Variants in SLC25A46 observed in about 807,000 individuals in gnomAD.
SLC25A46 encodes the protein mitochondrial outer membrane protein SLC25A46.
A neutral mutation model predicts 44.6 loss-of-function variants in SLC25A46; 39 were observed. The ratio of observed to expected loss-of-function variants is 0.87; its 90% CI spans 0.68 to 1.14. The LOEUF (loss-of-function observed/expected upper bound fraction) is 1.14. Among genes scored for constraint, SLC25A46 ranks in the 50% most tolerant of loss-of-function variants. The probability of loss-of-function intolerance (pLI) is 0.00; values close to 1 mark genes in which losing one functional copy is unlikely to be tolerated. For synonymous variants in SLC25A46, 202 were observed against 185.8 expected (o/e 1.09, Z -0.71); for missense variants, 547 against 522.7 (o/e 1.05, Z -0.45).
Position 110,759,729 on chromosome 5 carries a change from C to T in SLC25A46, c.679-1475C>T, listed in dbSNP as rs182377991. Among the ~76,000 whole-genome samples the T allele has an allele frequency of 5.0e-4, 76 of 152,214 alleles. No individual in the cohort carries two copies. The East Asian group carries it at 0.014, about 29-fold the overall frequency. ...ATGGAAAGTCTTTGATAGGTTTGAG[C>T]AGAGCGGTGGTGTGATCTGACTTAC... is the stretch of plus-strand genomic sequence containing the variant. On this transcript the variant is annotated intron_variant, in intron 7 of 7. Coordinates refer to ENST00000355943, the MANE Select transcript of SLC25A46 (RefSeq NM_138773.4).
At chr5:110,747,780 G>C (rs1799856226) in intron 4 of SLC25A46, among the ~76,000 whole-genome samples, 1 of 152,110 alleles carries the variant, frequency 6.6e-6, no homozygotes, top group South Asian at 2.1e-4. Flanking sequence ...TGATGAAGCT[G>C]CTATCTAGGG....
At chr5:110,750,636 T>C (rs1424216916) in intron 5 of SLC25A46, among the ~76,000 whole-genome samples, 3 of 152,220 alleles carry the variant, frequency 2.0e-5, no homozygotes, top group African/African-American at 7.2e-5. Flanking sequence ...ATAGTTGTTA[T>C]TCTATATTGT....
At position 110,756,902 on chromosome 5, in the gene SLC25A46, C is replaced by T. The variant is rs566714500; in HGVS notation, c.678+143C>T. On this transcript the variant is annotated intron_variant, in intron 7 of 7. Transcript: ENST00000355943. ...TATTTTATAAATATCACAGTTATATCGCACGTTGCTTGTCTGTATATTTCC... is the reference window on the plus strand; with the variant it reads ...TATTTTATAAATATCACAGTTATATTGCACGTTGCTTGTCTGTATATTTCC... 10 of 462,606 alleles carry T rather than the reference C, an allele frequency of 2.2e-5. No homozygotes were observed. In the Admixed American group the frequency reaches 2.6e-4, roughly 12 times the overall value. The allele number at this position is 462,606 out of a possible 1,614,324, so 28.7% of individuals were successfully genotyped here.
chr5:110,744,657 A>C (rs915448331), intron 3 of SLC25A46, among the ~76,000 whole-genome samples: 1 of 152,218 alleles, frequency 6.6e-6, no homozygotes, highest in African/African-American at 2.4e-5. Context: ...GAAAATTCAA[A>C]CTTATCATTG....
At chr5:110,749,065 A>G (rs140680408) in intron 5 of SLC25A46, among the ~76,000 whole-genome samples, 194 of 152,250 alleles carry the variant, frequency 1.3e-3, no homozygotes, top group African/African-American at 4.6e-3. Context: ...ACAGAAAGGG[A>G]TGAGCTGGCT....
chr5:110,738,860 C>G (rs1580848605), upstream of SLC25A46: 6 of 751,700 alleles, frequency 8.0e-6, no homozygotes, highest in East Asian at 1.7e-4. Context: ...CAACCATATT[C>G]CCACCTATTC....
intron 7 of SLC25A46, among the ~76,000 whole-genome samples, chr5:110,759,501 G>A (rs1800194974): frequency 6.6e-6 from 1 of 152,092 alleles, no homozygotes. Flanking sequence ...TATTTAGAGG[G>A]AAAGCAGGTG....
chr5:110,744,514 G>A (rs140714523), intron 3 of SLC25A46, among the ~76,000 whole-genome samples: 263 of 152,190 alleles, frequency 1.7e-3, no homozygotes, highest in Non-Finnish European at 3.3e-3. Flanking sequence ...TCTTCCTGTT[G>A]TTAAAACATT....
At position 110,759,458 on chromosome 5, in the gene SLC25A46, T is replaced by A. The variant is rs367839446; in HGVS notation, c.679-1746T>A. On this transcript the variant is annotated intron_variant, in intron 7 of 7. Coordinates refer to ENST00000355943, the MANE Select transcript of SLC25A46 (RefSeq NM_138773.4). ...GGAAGGATGCCGATGTGGCTGGTGC[T>A]AACTAAGCACAAAATAAGCAAATGT... is the stretch of plus-strand genomic sequence containing the variant. Among the ~76,000 whole-genome samples the A allele has an allele frequency of 4.1e-4, 62 of 152,264 alleles. 1 individual carries two copies. The East Asian group carries it at 9.1e-3, about 22-fold the overall frequency.
intron 1 of SLC25A46, among the ~76,000 whole-genome samples, chr5:110,740,044 T>C (rs1799607441): frequency 6.6e-6 from 1 of 152,214 alleles, no homozygotes; most frequent in Admixed American, 6.5e-5. Context: ...GCTTTCCTTC[T>C]GCTGACCTAA....
In SLC25A46 at chr5:110,757,083, G is replaced by T. The variant is rs545732962; in HGVS notation, c.678+324G>T. On this transcript the variant is annotated intron_variant, in intron 7 of 7. Transcript: ENST00000355943. ...TAAGGCCCTTACATACAACTCAGAT[G>T]GTTATGGCTTATCATTGGACAGTAA... 2.5e-5 allele frequency: 5 copies of T among 196,596 alleles called. No homozygotes were observed. The East Asian group carries it at 5.7e-4, about 22-fold the overall frequency. The allele number at this position is 196,596 out of a possible 1,614,324, so 12.2% of individuals were successfully genotyped here. A position where few individuals can be genotyped will look rare whatever the true frequency, so the allele number is the denominator to read the frequency against.
intron 1 of SLC25A46, among the ~76,000 whole-genome samples, chr5:110,741,135 A>C (rs1799678625): frequency 6.6e-6 from 1 of 152,190 alleles, no homozygotes; most frequent in South Asian, 2.1e-4. Context: ...AGAGAAGAGG[A>C]GAGAAAGAAT....
chr5:110,748,293 G>C, intron 5 of SLC25A46, 30 bp downstream of exon 5: 1 of 1,562,052 alleles, frequency 6.4e-7, no homozygotes. Context: ...TTCAGTATTA[G>C]TTTCATGTGG....
chr5:110,756,780 A>ATTT, intron 7 of SLC25A46, 21 bp downstream of exon 7: 1 of 1,380,832 alleles, frequency 7.2e-7, no homozygotes. Flanking sequence ...TTTTACTGTC[A>ATTT]TTTTTTTTTT....
chr5:110,758,818 G>A (rs200635487), intron 7 of SLC25A46, among the ~76,000 whole-genome samples: 272 of 151,854 alleles, frequency 1.8e-3, no homozygotes, highest in African/African-American at 5.9e-3. Flanking sequence ...AGAAATCCTT[G>A]TACTAGTCTC....
intron 7 of SLC25A46, among the ~76,000 whole-genome samples, chr5:110,759,269 A>T (rs1396052151): frequency 6.6e-6 from 1 of 152,202 alleles, no homozygotes; most frequent in African/African-American, 2.4e-5. Flanking sequence ...GGGGCGGTTA[A>T]TATTTTTTTA....
rs1312485315 is a variant in SLC25A46, at chr5:110,746,352, A to C, written c.462+6A>C. 1 of 1,567,894 alleles carries C rather than the reference A, an allele frequency of 6.4e-7. No individual in the cohort carries two copies. The highest frequency in any genetic ancestry group is 8.6e-7 in the Non-Finnish European group (1 of 1,159,076). ...ACAGTTTCAACAAAACTCAGGTGAG[A>C]ATTTTGTCTGGATTCTATTAAAGGT... On this transcript the variant is annotated splice_donor_region_variant and intron_variant, in intron 4 of 7. Coordinates refer to ENST00000355943, the MANE Select transcript of SLC25A46 (RefSeq NM_138773.4).
At position 110,763,055 on chromosome 5, in the gene SLC25A46, T is replaced by C. The variant is rs896965278; in HGVS notation, c.*1273T>C. 6.6e-6 allele frequency: 1 copy of C among 151,836 alleles called. No individual in the cohort carries two copies. Among genetic ancestry groups the C allele is most frequent in the Admixed American group, 6.6e-5 (1 of 15,196 alleles). 9.4% of individuals were successfully genotyped at this position (151,836 alleles called of 1,614,324 possible). A position where few individuals can be genotyped will look rare whatever the true frequency, so the allele number is the denominator to read the frequency against. ...AATAAGCAAAAAAATTACTAATCAGTTTAATAAAAACATTTTGTCTATTCC... is the reference window on the plus strand; with the variant it reads ...AATAAGCAAAAAAATTACTAATCAGCTTAATAAAAACATTTTGTCTATTCC... On this transcript the variant is annotated 3_prime_UTR_variant, in exon 8 of 8. Coordinates refer to ENST00000355943, the MANE Select transcript of SLC25A46 (RefSeq NM_138773.4).
At chr5:110,742,535 C>T (rs1799717096) in intron 2 of SLC25A46, among the ~76,000 whole-genome samples, 1 of 152,052 alleles carries the variant, frequency 6.6e-6, no homozygotes, top group African/African-American at 2.4e-5. Context: ...TCATTTCCCA[C>T]ATCAAACATA....
Sources: gnomAD v4.1 joint callset for allele counts (sites outside exome capture counted in the v4.1 genomes callset) on GRCh38, gnomAD v4.1.1 for gene constraint, MANE v1.5 for transcripts, NCBI Gene and HGNC (gene_info 2026-07-23, HGNC 2026-07-21) for gene names.